Variants in TENM3 observed in about 807,000 individuals in gnomAD.
The protein encoded by TENM3 is teneurin transmembrane protein 3, also known as teneurin-3.
A neutral mutation model predicts 255.1 loss-of-function variants in TENM3; 63 were observed. That is an observed-to-expected ratio of 0.25 (90% CI 0.20 to 0.30). TENM3 has a LOEUF of 0.30. TENM3 is among the 10% of genes least tolerant of loss of function. The pLI, the probability that TENM3 is intolerant of heterozygous loss-of-function variation, is 1.00. For synonymous variants in TENM3, 1,306 were observed against 1,322.3 expected (o/e 0.99, Z 0.27); for missense variants, 2,929 against 3,461.1 (o/e 0.85, Z 3.86).
chr4:182,592,797 G>T lies in TENM3; in HGVS notation c.512-8127G>T, dbSNP rs57166808. On this transcript the variant is annotated intron_variant, in intron 3 of 27. Coordinates refer to ENST00000511685, the MANE Select transcript of TENM3 (RefSeq NM_001080477.4). ...TTGATGACTTGTTTTTAAGAAAGAG[G>T]TCAATTTTGAAGAAGACTTAAGTTT... Among the ~76,000 whole-genome samples the T allele has an allele frequency of 6.0e-3, 912 of 152,288 alleles. 28 individuals carry two copies. In the East Asian group the frequency reaches 0.061, roughly 10 times the overall value.
chr4:181,888,514 ATGTATATATATACATATATGTG>A, the TENM3 span, among the ~76,000 whole-genome samples: 1 of 27,666 alleles, frequency 3.6e-5, no homozygotes, highest in African/African-American at 1.5e-4. Flanking sequence ...ATATATATAT[ATGTATATATATACATATATGTG>A]TATATATATA....
chr4:181,906,636 A>G, the TENM3 span, among the ~76,000 whole-genome samples: 5 of 152,234 alleles, frequency 3.3e-5, no homozygotes, highest in Non-Finnish European at 7.3e-5. Flanking sequence ...TCAAATGCCA[A>G]TAGGGCCAAG....
chr4:181,626,985 A>G, the TENM3 span, among the ~76,000 whole-genome samples: 1 of 152,198 alleles, frequency 6.6e-6, no homozygotes, highest in Non-Finnish European at 1.5e-5. Flanking sequence ...CCAGGACTTT[A>G]TGACAAAATA....
chr4:181,519,966 C>A, the TENM3 span, among the ~76,000 whole-genome samples: 1 of 152,198 alleles, frequency 6.6e-6, no homozygotes, highest in Non-Finnish European at 1.5e-5. Flanking sequence ...TTGCTCAAGT[C>A]AGAATTTCTT....
the TENM3 span, among the ~76,000 whole-genome samples, chr4:182,059,745 C>CAAAAAAAAAAAAAAAAA: frequency 4.6e-5 from 2 of 43,076 alleles, no homozygotes; most frequent in African/African-American, 9.6e-5. Flanking sequence ...TCTGTCTCTA[C>CAAAAAAAAAAAAAAAAA]AAAAAAAAAA....
chr4:182,550,722 TA>T (rs1179569461), intron 3 of TENM3, among the ~76,000 whole-genome samples: 1 of 152,230 alleles, frequency 6.6e-6, no homozygotes, highest in Non-Finnish European at 1.5e-5. Flanking sequence ...TATATGAGGT[TA>T]AAATAGAAGA....
intron 3 of TENM3, among the ~76,000 whole-genome samples, chr4:182,409,560 C>A (rs942395791): frequency 5.9e-5 from 9 of 152,136 alleles, no homozygotes; most frequent in African/African-American, 1.9e-4. Context: ...TTGGTGCAGG[C>A]TCTCATTAAT....
At chr4:182,132,440 A>T in the TENM3 span, among the ~76,000 whole-genome samples, 2 of 152,246 alleles carry the variant, frequency 1.3e-5, no homozygotes, top group Middle Eastern at 3.4e-3. Context: ...CTGAGATCAC[A>T]CCACTGCACT....
the TENM3 span, among the ~76,000 whole-genome samples, chr4:181,894,274 T>G: frequency 1.3e-5 from 2 of 152,170 alleles, no homozygotes. Flanking sequence ...TCATGAGTAA[T>G]GGCACTGTCT....
At chr4:181,760,815 C>T in the TENM3 span, among the ~76,000 whole-genome samples, 2,752 of 151,078 alleles carry the variant, frequency 0.018, 60 homozygotes, top group South Asian at 0.11. Flanking sequence ...CATATGGTTC[C>T]TCTCCTTCCT....
At position 182,801,066 on chromosome 4, in the gene TENM3, G is replaced by T. The variant is rs758298130; in HGVS notation, c.*715G>T. On this transcript the variant is annotated 3_prime_UTR_variant, in exon 28 of 28. Coordinates refer to ENST00000511685, the MANE Select transcript of TENM3 (RefSeq NM_001080477.4). Reference sequence around the variant, plus strand: ...TACTGTACATCAAATCTTAGTCTCAGAGGAGTTAATTTATGTAAAGTGTTT... The same window carrying T: ...TACTGTACATCAAATCTTAGTCTCATAGGAGTTAATTTATGTAAAGTGTTT... The T allele has an allele frequency of 1.3e-5, 2 of 152,606 alleles. No individual in the cohort carries two copies. The highest frequency in any genetic ancestry group is 2.9e-5 in the Non-Finnish European group (2 of 68,028). 9.5% of individuals were successfully genotyped at this position (152,606 alleles called of 1,614,324 possible).
chr4:182,104,033 C>G, the TENM3 span, among the ~76,000 whole-genome samples: 1 of 152,186 alleles, frequency 6.6e-6, no homozygotes, highest in Admixed American at 6.5e-5. Flanking sequence ...CCCTTTGGCA[C>G]TATCCTGGGC....
At chr4:182,324,461 G>A (rs1012355755) in intron 2 of TENM3, among the ~76,000 whole-genome samples, 3 of 152,250 alleles carry the variant, frequency 2.0e-5, no homozygotes, top group Non-Finnish European at 2.9e-5. Flanking sequence ...CACAGGCACT[G>A]ACACGTGGAG....
the TENM3 span, among the ~76,000 whole-genome samples, chr4:181,847,064 G>A: frequency 6.6e-6 from 1 of 152,356 alleles, no homozygotes; most frequent in Non-Finnish European, 1.5e-5. Flanking sequence ...CTGTCCTGCA[G>A]TGAGACAGTG....
At chr4:181,667,343 T>C in the TENM3 span, among the ~76,000 whole-genome samples, 12 of 152,268 alleles carry the variant, frequency 7.9e-5, no homozygotes, top group African/African-American at 2.9e-4. Context: ...TTCTTCATGT[T>C]ATTCCTCTGT....
intron 13 of TENM3, among the ~76,000 whole-genome samples, chr4:182,716,136 C>T (rs909964070): frequency 6.6e-6 from 1 of 152,110 alleles, no homozygotes; most frequent in Admixed American, 6.5e-5. Flanking sequence ...CCCCCTACTC[C>T]AATGTTGCTA....
chr4:181,964,784 G>A, the TENM3 span, among the ~76,000 whole-genome samples: 1 of 152,016 alleles, frequency 6.6e-6, no homozygotes, highest in Admixed American at 6.6e-5. Flanking sequence ...GTAGATACAG[G>A]GACAAACATT....
At chr4:182,104,232 G>A in the TENM3 span, among the ~76,000 whole-genome samples, 3 of 152,142 alleles carry the variant, frequency 2.0e-5, no homozygotes, top group East Asian at 5.8e-4. Context: ...CCTCTGGCCT[G>A]AATCAAAATT....
At position 182,681,938 on chromosome 4, in the gene TENM3, C is replaced by T. The variant is rs113845624; in HGVS notation, c.1959C>T (p.Ser653=). The change falls in exon 11 of 28, where the codon TCC becomes TCT. Residue 653 remains serine (S), a synonymous_variant. Coordinates refer to ENST00000511685, the MANE Select transcript of TENM3 (RefSeq NM_001080477.4). ...AGACCATGTGTCCAGACCAGTGCTC[C>T]GGCCACGGAACGTATCTTCAAGAAA... ...ILKTMCPDQC[S]GHGTYLQESG... 1,688 of 1,613,946 alleles carry T rather than the reference C, an allele frequency of 1.0e-3. 37 individuals are homozygous for T. The South Asian group carries it at 0.017, about 16-fold the overall frequency.
Sources: allele counts gnomAD v4.1 joint callset (sites outside exome capture counted in the v4.1 genomes callset), GRCh38; gene constraint gnomAD v4.1.1; transcripts MANE v1.5; gene names NCBI Gene and HGNC (gene_info 2026-07-23, HGNC 2026-07-21).